Variants in FKBP9 observed in about 807,000 individuals in gnomAD.
FKBP9 encodes the protein FKBP prolyl isomerase 9, also known as peptidyl-prolyl cis-trans isomerase FKBP9.
FKBP9 carries 27 observed loss-of-function variants against 55.6 expected under a neutral mutation model. The observed-to-expected ratio is 0.49, with a 90% CI of 0.36 to 0.67. The LOEUF (loss-of-function observed/expected upper bound fraction) is 0.67. FKBP9 is among the 30% of genes least tolerant of loss of function. The pLI is 0.00. For synonymous variants in FKBP9, 267 were observed against 296.5 expected (o/e 0.90, Z 1.02); for missense variants, 539 against 742.8 (o/e 0.73, Z 3.19).
rs1785009778 is a variant in FKBP9 at position 33,005,169 on chromosome 7, T to C, written c.1537-6T>C. On this transcript the variant is annotated splice_polypyrimidine_tract_variant and splice_region_variant and intron_variant, in intron 9 of 9. Coordinates refer to ENST00000242209, the MANE Select transcript of FKBP9 (RefSeq NM_007270.5). ...TCATGGTCTTTCCTGTCCCCTTCTTTTCCAGTTCTCAGAGTACATTCACGC... is the reference window on the plus strand; with the variant it reads ...TCATGGTCTTTCCTGTCCCCTTCTTCTCCAGTTCTCAGAGTACATTCACGC... 6.2e-7 allele frequency: 1 copy of C among 1,612,616 alleles called. No homozygotes were observed. Among genetic ancestry groups the C allele is most frequent in the Admixed American group, 1.7e-5 (1 of 59,956 alleles).
At chr7:32,989,972 C>T (rs1290411952) in intron 6 of FKBP9, among the ~76,000 whole-genome samples, 1 of 152,034 alleles carries the variant, frequency 6.6e-6, no homozygotes, top group Non-Finnish European at 1.5e-5. Flanking sequence ...TGTGTGCTAC[C>T]ATGCACGGCT....
intron 4 of FKBP9, among the ~76,000 whole-genome samples, chr7:32,977,233 C>G (rs974807388): frequency 2.0e-5 from 3 of 152,218 alleles, no homozygotes; most frequent in African/African-American, 7.2e-5. Flanking sequence ...TATTGACATG[C>G]TGGCACAACA....
chr7:32,981,896 CAAAA>C (rs535925227), intron 5 of FKBP9, among the ~76,000 whole-genome samples: 2 of 98,158 alleles, frequency 2.0e-5, no homozygotes, highest in Non-Finnish European at 4.3e-5. Context: ...GACTCTGTCT[CAAAA>C]AAAAAAAAAA....
intron 5 of FKBP9, among the ~76,000 whole-genome samples, chr7:32,987,506 A>G (rs1443057037): frequency 6.6e-6 from 1 of 151,820 alleles, no homozygotes; most frequent in Non-Finnish European, 1.5e-5. Flanking sequence ...AAAAAAAAAA[A>G]AAATTAAAAA....
At chr7:32,965,882 T>TAGAG (rs1349623304) in intron 1 of FKBP9, among the ~76,000 whole-genome samples, 84 of 107,748 alleles carry the variant, frequency 7.8e-4, no homozygotes, top group African/African-American at 2.9e-3. Context: ...CATATATATA[T>TAGAG]ATAGAGAGAG....
chr7:32,960,067 G>GGTTCATA (rs1300532317), intron 1 of FKBP9, among the ~76,000 whole-genome samples: 2 of 150,492 alleles, frequency 1.3e-5, no homozygotes, highest in African/African-American at 2.4e-5. Context: ...AGTGTATGAA[G>GGTTCATA]GTTCATAGTT....
In FKBP9 at chr7:32,996,150, G is replaced by A; in HGVS notation, c.1040-13G>A. On this transcript the variant is annotated splice_polypyrimidine_tract_variant and intron_variant, in intron 6 of 9. Transcript: ENST00000242209. ...CAGGGGTCATTCATTAATTCCCCGTGTCTGTCCTTTAGGGAATATCCCCGG... is the reference window on the plus strand; with the variant it reads ...CAGGGGTCATTCATTAATTCCCCGTATCTGTCCTTTAGGGAATATCCCCGG... 6.2e-7 allele frequency: 1 copy of A among 1,613,298 alleles called. No homozygotes were observed. Among genetic ancestry groups the A allele is most frequent in the East Asian group, 2.2e-5 (1 of 44,882 alleles).
At chr7:32,993,485 T>C (rs1784723622) in intron 6 of FKBP9, among the ~76,000 whole-genome samples, 1 of 152,216 alleles carries the variant, frequency 6.6e-6, no homozygotes, top group East Asian at 1.9e-4. Flanking sequence ...TCTGTCTTAT[T>C]TTACTTAGCA....
chr7:32,971,583 C>T (rs1311460834), intron 1 of FKBP9, among the ~76,000 whole-genome samples: 4 of 152,088 alleles, frequency 2.6e-5, no homozygotes, highest in Non-Finnish European at 5.9e-5. Flanking sequence ...CAGGTTCAAG[C>T]GATTCTCCCA....
chr7:32,993,697 C>T (rs149176559), intron 6 of FKBP9, among the ~76,000 whole-genome samples: 9 of 152,080 alleles, frequency 5.9e-5, no homozygotes, highest in Non-Finnish European at 7.4e-5. Context: ...TGGTGGTACG[C>T]GTCTGTAATC....
chr7:32,989,525 C>T (rs1784643492), intron 6 of FKBP9, among the ~76,000 whole-genome samples: 1 of 151,862 alleles, frequency 6.6e-6, no homozygotes, highest in Non-Finnish European at 1.5e-5. Flanking sequence ...AGGTGAGTCT[C>T]GTGCCTTAGC....
intron 5 of FKBP9, among the ~76,000 whole-genome samples, chr7:32,983,369 C>T (rs1385167319): frequency 6.6e-6 from 1 of 150,772 alleles, no homozygotes; most frequent in African/African-American, 2.4e-5. Flanking sequence ...GGCTGGAATG[C>T]AGTGGTGTGA....
intron 1 of FKBP9, among the ~76,000 whole-genome samples, chr7:32,972,929 C>T (rs1562565283): frequency 6.6e-6 from 1 of 152,138 alleles, no homozygotes; most frequent in East Asian, 1.9e-4. Context: ...ACCATGTTGG[C>T]CAGGCTGGTC....
At chr7:32,998,669 C>T (rs986148144) in intron 7 of FKBP9, 1 of 152,172 alleles carries the variant, frequency 6.6e-6, no homozygotes. Context: ...GCTAGAGCCC[C>T]GTGTGGGCTG....
Position 33,000,120 on chromosome 7 carries a change from A to G in FKBP9, c.1232A>G (p.Asn411Ser). 1 of 1,614,146 alleles carries G rather than the reference A, an allele frequency of 6.2e-7. No individual in the cohort carries two copies. The highest frequency in any genetic ancestry group is 8.5e-7 in the Non-Finnish European group (1 of 1,180,016). The change falls in exon 8 of 10, where the codon AAT becomes AGT. Residue 411 changes from asparagine (N) to serine (S), a missense_variant. Asn to Ser is a conservative substitution (Grantham distance 46, BLOSUM62 1). Around this residue, in one of 4 missense-constraint regions of FKBP9, gnomAD observed 172 missense variants for 205.3 expected, o/e 0.84. Transcript: ENST00000242209. ...GCTCTTCTGTTTCATTTTAGGTGGAATTTAGGCAAAACTTACAATATTGTT... is the reference window on the plus strand; with the variant it reads ...GCTCTTCTGTTTCATTTTAGGTGGAGTTTAGGCAAAACTTACAATATTGTT... The part of the protein sequence containing the change: ...LDGTLLDSTW[N>S]LGKTYNIVLG...
intron 8 of FKBP9, 40 bp downstream of exon 8, chr7:33,000,300 T>C: frequency 6.5e-7 from 1 of 1,536,094 alleles, no homozygotes; most frequent in Non-Finnish European, 8.9e-7. Context: ...GGGGGCCCGC[T>C]TACTATCTGA....
Position 32,973,580 on chromosome 7 carries a change from AGTGT to A in FKBP9, c.222-1014_222-1011del, listed in dbSNP as rs10566069. On this transcript the variant is annotated intron_variant, in intron 1 of 9. Transcript: ENST00000242209. ...AGCTGGATGACTTTAAAAAAAATCA[AGTGT>A]GTGTGTGTGTGTGTGTGTGTGTTAA... 2.5e-3 allele frequency among the ~76,000 whole-genome samples: 363 copies of A among 143,746 alleles called. 8 individuals carry two copies. Among genetic ancestry groups the A allele is most frequent in the South Asian group, 6.5e-3 (29 of 4,484 alleles). 94.3% of individuals were successfully genotyped at this position (143,746 alleles called of 152,430 possible).
intron 4 of FKBP9, among the ~76,000 whole-genome samples, chr7:32,977,883 G>A (rs10807865): frequency 0.88 from 111,746 of 127,676 alleles, 48,697 homozygotes; most frequent in Non-Finnish European, 0.92. Flanking sequence ...ATATATATAT[G>A]TATATATACA....
At chr7:33,001,933 T>C (rs1334625300) in intron 8 of FKBP9, 3 of 152,256 alleles carry the variant, frequency 2.0e-5, no homozygotes, top group African/African-American at 7.2e-5. Flanking sequence ...GTTACACATA[T>C]ACACATTTAT....
Sources: gnomAD v4.1 joint callset for allele counts (sites outside exome capture counted in the v4.1 genomes callset) on GRCh38, gnomAD v4.1.1 for gene constraint, gnomAD v4.1.1 regional missense constraint, MANE v1.5 for transcripts, NCBI Gene and HGNC (gene_info 2026-07-23, HGNC 2026-07-21) for gene names.